Variants in ANKRD12 observed in about 807,000 individuals in gnomAD.
The protein encoded by ANKRD12 is ankyrin repeat domain-containing protein 12.
A neutral mutation model predicts 183.4 loss-of-function variants in ANKRD12; 85 were observed. That is an observed-to-expected ratio of 0.46 (90% CI 0.39 to 0.56). The LOEUF (loss-of-function observed/expected upper bound fraction) is 0.56. Ranked by LOEUF, ANKRD12 falls within the 20% of genes least tolerant of loss-of-function variation. The pLI is 0.00. For missense variants in ANKRD12, 2,405 were observed against 2,357.1 expected, an observed-to-expected ratio of 1.02 and a Z score of -0.42; for synonymous variants, 914 against 800.2, an observed-to-expected ratio of 1.14 and a Z score of -2.40.
At chr18:9,216,991 T>A in intron 7 of ANKRD12, 91 bp downstream of exon 7, 1 of 1,208,282 alleles carries the variant, frequency 8.3e-7, no homozygotes, top group East Asian at 2.6e-5. Flanking sequence ...TCATATGATC[T>A]GTGTCATATT....
chr18:9,264,064 C>A (rs1334623915), intron 10 of ANKRD12, among the ~76,000 whole-genome samples, 176 bp downstream of exon 10: 1 of 152,134 alleles, frequency 6.6e-6, no homozygotes, highest in Non-Finnish European at 1.5e-5. Context: ...TTTAGGATAG[C>A]TGCTCCCATA....
chr18:9,226,462 G>T (rs2036719465), intron 8 of ANKRD12, among the ~76,000 whole-genome samples: 1 of 151,984 alleles, frequency 6.6e-6, no homozygotes, highest in East Asian at 1.9e-4. Context: ...ACTCCTGAAA[G>T]TTCCTTGATG....
At chr18:9,209,581 AAAGC>A (rs893507212) in intron 5 of ANKRD12, among the ~76,000 whole-genome samples, 1 of 152,182 alleles carries the variant, frequency 6.6e-6, no homozygotes, top group African/African-American at 2.4e-5. Context: ...TTATAATTTC[AAAGC>A]ATGAGCGTAT....
At chr18:9,207,041 GA>G (rs1381477714) in intron 4 of ANKRD12, among the ~76,000 whole-genome samples, 1 of 151,860 alleles carries the variant, frequency 6.6e-6, no homozygotes, top group Non-Finnish European at 1.5e-5. Flanking sequence ...TTTTAGGAGA[GA>G]AATACATTCA....
Position 9,267,884 on chromosome 18 carries a change from TAAA to T in ANKRD12, c.5763+3997_5763+3999del, listed in dbSNP as rs954838713. 5.9e-4 allele frequency among the ~76,000 whole-genome samples: 90 copies of T among 151,562 alleles called. 1 individual carries two copies. The highest frequency in any genetic ancestry group is 2.2e-3 in the Admixed American group (34 of 15,240). ...ATTGATAGACCACTAGCAAGACTAA[TAAA>T]GAAGAAAAGAGAGAAGAATCAAGTA... On this transcript the variant is annotated intron_variant, in intron 10 of 12. Coordinates refer to ENST00000262126, the MANE Select transcript of ANKRD12 (RefSeq NM_015208.5).
intron 1 of ANKRD12, among the ~76,000 whole-genome samples, chr18:9,138,216 TA>T (rs1404440557): frequency 2.0e-5 from 3 of 151,952 alleles, no homozygotes; most frequent in Non-Finnish European, 4.4e-5. Context: ...AACTGTGTAT[TA>T]AAAACATATG....
rs1567976304 is a variant in ANKRD12, at chr18:9,256,364, C to T, written c.3097C>T (p.His1033Tyr). 1 of 1,598,630 alleles carries T rather than the reference C, an allele frequency of 6.3e-7. No homozygotes were observed. The highest frequency in any genetic ancestry group is 1.4e-5 in the African/African-American group (1 of 73,794). The change falls in exon 9 of 13, where the codon CAT becomes TAT. Residue 1033 changes from histidine to tyrosine, a missense_variant. His to Tyr is a moderately conservative substitution (Grantham distance 83). Coordinates refer to ENST00000262126, the MANE Select transcript of ANKRD12 (RefSeq NM_015208.5). ...AGATAGATACAAAGAACGAGACAAA[C>T]ATAAAGATAAAATTCAAATAAATAG... Reference protein sequence around the residue: ...DIDRYKERDKHKDKIQINSLL... With the variant: ...DIDRYKERDKYKDKIQINSLL...
intron 9 of ANKRD12, among the ~76,000 whole-genome samples, chr18:9,263,017 C>G (rs544208821): frequency 9.9e-5 from 15 of 151,780 alleles, no homozygotes; most frequent in African/African-American, 3.6e-4. Flanking sequence ...AGGCTGGTCT[C>G]GAACTACTAA....
At chr18:9,252,358 G>A (rs906060791) in intron 8 of ANKRD12, among the ~76,000 whole-genome samples, 1 of 152,174 alleles carries the variant, frequency 6.6e-6, no homozygotes, top group Non-Finnish European at 1.5e-5. Context: ...CAGGGTCACT[G>A]CAGATGGCAC....
intron 2 of ANKRD12, among the ~76,000 whole-genome samples, chr18:9,190,612 TGTC>T (rs2034392644): frequency 6.6e-6 from 1 of 152,194 alleles, no homozygotes; most frequent in Admixed American, 6.5e-5. Flanking sequence ...ACTTCATTGT[TGTC>T]TTAAGAAATT....
rs71168048 is a variant in ANKRD12 at position 9,262,787 on chromosome 18, CTTTTTTTTTTTTTTTTTT to C, written c.5665-991_5665-974del. ...GCCACCATGCCCAGCCAAGATGTCC[CTTTTTTTTTTTTTTTTTT>C]TTTTTTTTTTTGAGACAGAGTCTCG... On this transcript the variant is annotated intron_variant, in intron 9 of 12. Coordinates refer to ENST00000262126, the MANE Select transcript of ANKRD12 (RefSeq NM_015208.5). Among the ~76,000 whole-genome samples, 278 of 83,788 alleles carry C rather than the reference CTTTTTTTTTTTTTTTTTT, an allele frequency of 3.3e-3. 2 individuals are homozygous for C. The highest frequency in any genetic ancestry group is 4.8e-3 in the Non-Finnish European group (223 of 46,080). 55.0% of individuals were successfully genotyped at this position (83,788 alleles called of 152,430 possible).
intron 12 of ANKRD12, among the ~76,000 whole-genome samples, chr18:9,280,056 A>G (rs1338682393): frequency 7.9e-5 from 12 of 152,218 alleles, no homozygotes; most frequent in Admixed American, 7.9e-4. Flanking sequence ...GAAATCTCAT[A>G]ATTTGAAATA....
chr18:9,252,085 G>A (rs2038329966), intron 8 of ANKRD12, among the ~76,000 whole-genome samples: 1 of 152,132 alleles, frequency 6.6e-6, no homozygotes, highest in African/African-American at 2.4e-5. Flanking sequence ...TTTACTTAAG[G>A]GAACTTGAGG....
At chr18:9,182,550 T>A (rs758784044) in intron 2 of ANKRD12, 31 bp downstream of exon 2, 1 of 1,436,170 alleles carries the variant, frequency 7.0e-7, no homozygotes, top group Non-Finnish European at 9.4e-7. Flanking sequence ...TTTGTTGACT[T>A]TTTGAACTGG....
chr18:9,259,270 A>C (rs1025512490), intron 9 of ANKRD12: 1 of 168,350 alleles, frequency 5.9e-6, no homozygotes, highest in African/African-American at 2.4e-5. Context: ...CCTTAAATCA[A>C]TCTGTTGACT....
chr18:9,268,959 G>A (rs1046121448), intron 10 of ANKRD12, among the ~76,000 whole-genome samples: 2 of 152,120 alleles, frequency 1.3e-5, no homozygotes, highest in Non-Finnish European at 2.9e-5. Flanking sequence ...AAAATCACGA[G>A]CATTCTTATA....
intron 11 of ANKRD12, among the ~76,000 whole-genome samples, chr18:9,279,083 AAAGAATTT>A (rs2145490482): frequency 0.01 from 1 of 98 alleles, no homozygotes; most frequent in Admixed American, 0.083. Flanking sequence ...AAGTGTTGAT[AAAGAATTT>A]CTTCATGAGA....
At chr18:9,251,527 C>T (rs2038296969) in intron 8 of ANKRD12, among the ~76,000 whole-genome samples, 1 of 152,118 alleles carries the variant, frequency 6.6e-6, no homozygotes, top group African/African-American at 2.4e-5. Flanking sequence ...GGCATGGTGG[C>T]TCACACCTGT....
At chr18:9,199,071 T>A (rs2035015873) in intron 3 of ANKRD12, among the ~76,000 whole-genome samples, 1 of 152,034 alleles carries the variant, frequency 6.6e-6, no homozygotes, top group Non-Finnish European at 1.5e-5. Context: ...GGCAGGAGGA[T>A]CACTTGAGGC....
Sources: allele counts gnomAD v4.1 joint callset (sites outside exome capture counted in the v4.1 genomes callset), GRCh38; gene constraint gnomAD v4.1.1; transcripts MANE v1.5; gene names NCBI Gene and HGNC (gene_info 2026-07-23, HGNC 2026-07-21).